The following B4GALNT2 variants were observed in gnomAD, a reference collection of about 807,000 sequenced individuals.
B4GALNT2 encodes the protein beta-1,4-N-acetyl-galactosaminyltransferase 2 (SID blood group), also known as N-acetylneuraminylgalactosylglucosyl-glucoside beta-1,4-N- acetylgalactosaminyltransferase 2.
B4GALNT2 carries 42 observed loss-of-function variants against 51.1 expected under a neutral mutation model. The ratio of observed to expected loss-of-function variants is 0.82; its 90% confidence interval spans 0.64 to 1.06. B4GALNT2 has a LOEUF of 1.06. Ranked by LOEUF, B4GALNT2 falls within the 50% of genes least tolerant of loss-of-function variation. The probability of loss-of-function intolerance (pLI) is 0.00; values close to 1 mark genes in which losing one functional copy is unlikely to be tolerated. For synonymous variants in B4GALNT2, 253 were observed against 251.7 expected (o/e 1.01, Z -0.05); for missense variants, 602 against 633.6 (o/e 0.95, Z 0.54).
In B4GALNT2 at chr17:49,170,078, G is replaced by A. The variant is rs2042948104; in HGVS notation, c.*350G>A. The A allele has an allele frequency of 5.2e-6, 1 of 193,992 alleles. No individual in the cohort carries two copies. Among genetic ancestry groups the A allele is most frequent in the Non-Finnish European group, 1.0e-5 (1 of 95,348 alleles). The allele number at this position is 193,992 out of a possible 1,614,324, so 12.0% of individuals were successfully genotyped here. On this transcript the variant is annotated 3_prime_UTR_variant, in exon 11 of 11. Transcript: ENST00000393354. Reference sequence around the variant, plus strand: ...TCAAAAGAACAGCTGCCTGGTCCTTGATAGTTGTTTGGTGGAAATTCTGTC... The same window carrying A: ...TCAAAAGAACAGCTGCCTGGTCCTTAATAGTTGTTTGGTGGAAATTCTGTC...
At chr17:49,132,836 G>C in intron 1 of B4GALNT2, 30 bp downstream of exon 1, 1 of 1,374,838 alleles carries the variant, frequency 7.3e-7, no homozygotes, top group Non-Finnish European at 9.4e-7. Flanking sequence ...AGCAGAGCGA[G>C]AGGTGAAACT....
intron 9 of B4GALNT2, among the ~76,000 whole-genome samples, chr17:49,166,993 A>G (rs1483482145): frequency 6.6e-6 from 1 of 152,116 alleles, no homozygotes; most frequent in East Asian, 1.9e-4. Context: ...TAAAAACATC[A>G]AAAGTAAATT....
At chr17:49,162,912 C>CAAAAAAAAAAAAAAAAAA (rs34568226) in intron 7 of B4GALNT2, among the ~76,000 whole-genome samples, 1 of 53,622 alleles carries the variant, frequency 1.9e-5, no homozygotes. Flanking sequence ...GAAACTGTCT[C>CAAAAAAAAAAAAAAAAAA]AAAAAAAAAA....
At chr17:49,124,932 A>G in the B4GALNT2 span, among the ~76,000 whole-genome samples, 3 of 152,206 alleles carry the variant, frequency 2.0e-5, no homozygotes, top group Admixed American at 6.5e-5. Context: ...AATTTCCTTT[A>G]CAATTAACCT....
At chr17:49,163,506 A>G (rs1176355104) in intron 7 of B4GALNT2, among the ~76,000 whole-genome samples, 2 of 151,926 alleles carry the variant, frequency 1.3e-5, no homozygotes, top group Admixed American at 6.6e-5. Flanking sequence ...CCATAATCCC[A>G]GCACTTTAGG....
intron 8 of B4GALNT2, 21 bp downstream of exon 8, chr17:49,164,296 G>A: frequency 6.3e-7 from 1 of 1,595,848 alleles, no homozygotes. Flanking sequence ...CTCAGATTGG[G>A]TGGCACCTGC....
At chr17:49,132,558 T>C (rs375216407), upstream of B4GALNT2, 166 of 416,172 alleles carry the variant, frequency 4.0e-4, 1 homozygote, top group East Asian at 4.1e-3. Flanking sequence ...GATTGTGTTT[T>C]TCTTTAAGCG....
Position 49,166,221 on chromosome 17 carries a change from G to T in B4GALNT2, c.1062G>T (p.Leu354=). The change falls in exon 9 of 11, where the codon CTG becomes CTT. Residue 354 remains leucine (L), a synonymous_variant. Coordinates refer to ENST00000393354, the MANE Select transcript of B4GALNT2 (RefSeq NM_001159387.2). The part of the protein sequence containing the change: ...LFNEETKIEV[L]VDVLEKTELD... ...ACGAGGAGACCAAGATTGAGGTGCT[G>T]GTGGATGTCCTGGAGAAAACAGAAC... 2 of 1,614,098 alleles carry T rather than the reference G, an allele frequency of 1.2e-6. No homozygotes were observed. Among genetic ancestry groups the T allele is most frequent in the Non-Finnish European group, 1.7e-6 (2 of 1,180,024 alleles).
rs2042890844 is a variant in B4GALNT2, at chr17:49,164,259, C to G, written c.938C>G (p.Thr313Ser). The change falls in exon 8 of 11, where the codon ACT becomes AGT. Residue 313 changes from threonine to serine, a missense_variant. Thr to Ser is a moderately conservative substitution (Grantham distance 58). Transcript: ENST00000393354. ...EIKDNHVEYYTMPFGKGWFAG... is the reference protein window; with the variant it reads ...EIKDNHVEYYSMPFGKGWFAG... ...AAAGACAATCACGTGGAGTATTACA[C>G]TATGCCCTTTGGGAAGGTATGTCCC... 1 of 1,612,504 alleles carries G rather than the reference C, an allele frequency of 6.2e-7. No homozygotes were observed. Among genetic ancestry groups the G allele is most frequent in the Non-Finnish European group, 8.5e-7 (1 of 1,178,542 alleles).
In B4GALNT2 at chr17:49,152,799, G is replaced by A. The variant is rs370089281; in HGVS notation, c.354-1G>A. 1 of 1,589,708 alleles carries A rather than the reference G, an allele frequency of 6.3e-7. No homozygotes were observed. The highest frequency in any genetic ancestry group is 2.3e-5 in the East Asian group (1 of 44,044). ...TGACGTTTCTGTTCTCCTTCCTGCA[G>A]AGAAGGGCTGCCCCGCCCACTGCCC... On this transcript the variant is annotated splice_acceptor_variant, in intron 3 of 10. Transcript: ENST00000393354. LOFTEE classifies it high-confidence loss of function.
chr17:49,165,386 TTCTC>T (rs1297052831), intron 8 of B4GALNT2, among the ~76,000 whole-genome samples: 3 of 128,844 alleles, frequency 2.3e-5, no homozygotes, highest in African/African-American at 9.1e-5. Context: ...CACTCTCTCT[TTCTC>T]TCTTCTTCCC....
intron 8 of B4GALNT2, among the ~76,000 whole-genome samples, chr17:49,164,985 A>C (rs1260141552): frequency 6.6e-6 from 1 of 151,128 alleles, no homozygotes; most frequent in Non-Finnish European, 1.5e-5. Flanking sequence ...CTAATTTTTT[A>C]AATTTTTTTG....
At position 49,147,272 on chromosome 17, in the gene B4GALNT2, A is replaced by G. The variant is rs147155212; in HGVS notation, c.353+5100A>G. On this transcript the variant is annotated intron_variant, in intron 3 of 10. Transcript: ENST00000393354. ...ATCCTGTGTGTTAGTGCTACATTAT[A>G]CTTCCATTAAAAAGCAGCATGTGTA... 3.7e-3 allele frequency among the ~76,000 whole-genome samples: 564 copies of G among 152,242 alleles called. 5 individuals are homozygous for G. Among genetic ancestry groups the G allele is most frequent in the African/African-American group, 0.013 (534 of 41,502 alleles).
chr17:49,156,634 T>G (rs756839940), intron 5 of B4GALNT2, 31 bp downstream of exon 5: 3 of 1,610,732 alleles, frequency 1.9e-6, no homozygotes, highest in Non-Finnish European at 2.5e-6. Flanking sequence ...CTCTTTGCAC[T>G]TGGTGTCCTG....
At position 49,166,127 on chromosome 17, in the gene B4GALNT2, G is replaced by A. The variant is rs778691939; in HGVS notation, c.968G>A (p.Gly323Asp). The change falls in exon 9 of 11, where the codon GGT becomes GAT. Residue 323 changes from glycine to aspartate, a missense_variant. Coordinates refer to ENST00000393354, the MANE Select transcript of B4GALNT2 (RefSeq NM_001159387.2). ...TMPFGKGWFA[G>D]RNLAISQVTT... ...TTTCATCTACAGGGTTGGTTTGCTG[G>A]TAGGAACCTGGCCATATCTCAGGTC... is the stretch of plus-strand genomic sequence containing the variant. 6.2e-7 allele frequency: 1 copy of A among 1,613,988 alleles called. No individual in the cohort carries two copies.
intron 9 of B4GALNT2, among the ~76,000 whole-genome samples, chr17:49,167,239 G>C (rs1418642312): frequency 6.6e-6 from 1 of 152,174 alleles, no homozygotes; most frequent in Non-Finnish European, 1.5e-5. Context: ...TCTTTTTCTT[G>C]TTGCTCCTCA....
chr17:49,149,570 C>G (rs1003601767), intron 3 of B4GALNT2, among the ~76,000 whole-genome samples: 2 of 151,998 alleles, frequency 1.3e-5, no homozygotes, highest in African/African-American at 4.8e-5. Context: ...TCGCTTGAAC[C>G]CGGGAGGTGG....
At chr17:49,140,080 A>G (rs2042627763) in intron 1 of B4GALNT2, among the ~76,000 whole-genome samples, 1 of 149,930 alleles carries the variant, frequency 6.7e-6, no homozygotes, top group Non-Finnish European at 1.5e-5. Context: ...TAACCACGTG[A>G]ATAAAAGCAA....
intron 5 of B4GALNT2, among the ~76,000 whole-genome samples, chr17:49,158,770 A>T (rs1356700425): frequency 6.6e-6 from 1 of 151,954 alleles, no homozygotes; most frequent in Non-Finnish European, 1.5e-5. Flanking sequence ...GCCAAGAAGA[A>T]CGGAACCCTG....
Sources: allele counts gnomAD v4.1 joint callset (sites outside exome capture counted in the v4.1 genomes callset), GRCh38; gene constraint gnomAD v4.1.1; transcripts MANE v1.5; gene names NCBI Gene and HGNC (gene_info 2026-07-23, HGNC 2026-07-21).